TNN: variants seen among roughly 807,000 people sequenced by gnomAD.
TNN encodes the protein tenascin-N.
In TNN, 122 loss-of-function variants were observed where a neutral mutation model predicts 134.4. The observed-to-expected ratio is 0.91, with a 90% CI of 0.78 to 1.06. The LOEUF is 1.06. Ranked by LOEUF, TNN falls within the 50% of genes least tolerant of loss-of-function variation. The pLI is 0.00. For missense variants in TNN, 1,739 were observed against 1,699.4 expected, an observed-to-expected ratio of 1.02 and a Z score of -0.41; for synonymous variants, 710 against 670.3, an observed-to-expected ratio of 1.06 and a Z score of -0.91.
At position 175,098,519 on chromosome 1, in the gene TNN, T is replaced by C. The variant is rs1282496374; in HGVS notation, c.2043T>C (p.Gly681=). ...CAGTCCTGACAGGCCTGAGACCGGG[T>C]ATGGAGTACATGGTGCACGTGTGGG... ...SSTVLTGLRP[G]MEYMVHVWAQ... The change falls in exon 9 of 19, where the codon GGT becomes GGC. Residue 681 remains glycine (G), a synonymous_variant. Coordinates refer to ENST00000239462, the MANE Select transcript of TNN (RefSeq NM_022093.2). The C allele has an allele frequency of 3.7e-6, 6 of 1,613,752 alleles. No individual in the cohort carries two copies. The highest frequency in any genetic ancestry group is 4.5e-5 in the East Asian group (2 of 44,868).
chr1:175,082,389 C>T (rs1674217216), intron 4 of TNN, among the ~76,000 whole-genome samples: 1 of 152,196 alleles, frequency 6.6e-6, no homozygotes, highest in African/African-American at 2.4e-5. Flanking sequence ...TCATCCCCAC[C>T]ATAATCGTGA....
intron 12 of TNN, among the ~76,000 whole-genome samples, chr1:175,125,517 T>G (rs187052362): frequency 3.2e-4 from 48 of 151,618 alleles, no homozygotes; most frequent in African/African-American, 1.1e-3. Flanking sequence ...TTTTCCTATA[T>G]CCCTTCTCTT....
rs59186260 is a variant in TNN at position 175,085,874 on chromosome 1, C to CAAAA, written c.1324+397_1324+400dup. ...GGGCAACAAGAGTGAAACTCCATCTCAAAAAAAAAAAAAAAAAAAAGAGAA... is the reference window on the plus strand; with the variant it reads ...GGGCAACAAGAGTGAAACTCCATCTCAAAAAAAAAAAAAAAAAAAAAAAAGAGAA... On this transcript the variant is annotated intron_variant, in intron 6 of 18. Coordinates refer to ENST00000239462, the MANE Select transcript of TNN (RefSeq NM_022093.2). 6.9e-3 allele frequency among the ~76,000 whole-genome samples: 556 copies of CAAAA among 80,710 alleles called. 10 individuals carry two copies. Among genetic ancestry groups the CAAAA allele is most frequent in the African/African-American group, 0.017 (350 of 20,924 alleles). The allele number at this position is 80,710 out of a possible 152,430, so 52.9% of individuals were successfully genotyped here.
At chr1:175,124,184 G>T (rs1013077728) in intron 12 of TNN, among the ~76,000 whole-genome samples, 1 of 152,232 alleles carries the variant, frequency 6.6e-6, no homozygotes, top group East Asian at 1.9e-4. Flanking sequence ...AGGTCTATGA[G>T]CCTCTTCTGG....
chr1:175,076,507 C>T (rs1402702557), intron 1 of TNN, among the ~76,000 whole-genome samples: 2 of 152,234 alleles, frequency 1.3e-5, no homozygotes, highest in East Asian at 3.8e-4. Context: ...AGGTCCATTT[C>T]TCTGAATGCT....
intron 9 of TNN, among the ~76,000 whole-genome samples, chr1:175,115,605 G>T (rs898578717): frequency 1.3e-5 from 2 of 152,120 alleles, no homozygotes; most frequent in Admixed American, 1.3e-4. Context: ...TACCCTTAGG[G>T]ATGAAGGGGT....
At chr1:175,124,171 CTGAGGTCTA>C (rs2101840720) in intron 12 of TNN, among the ~76,000 whole-genome samples, 2 of 152,342 alleles carry the variant, frequency 1.3e-5, no homozygotes, top group African/African-American at 4.8e-5. Context: ...TGTGCCCACC[CTGAGGTCTA>C]TGAGCCTCTT....
chr1:175,085,530 C>G (rs374728469), intron 6 of TNN, 36 bp downstream of exon 6: 23 of 1,370,328 alleles, frequency 1.7e-5, no homozygotes, highest in Non-Finnish European at 2.3e-5. Flanking sequence ...GGCATTTAAT[C>G]ATGTTTGCAT....
chr1:175,128,887 CT>C, intron 15 of TNN, 141 bp downstream of exon 15: 1 of 938,080 alleles, frequency 1.1e-6, no homozygotes. Flanking sequence ...TGGCTTGTAG[CT>C]GTTTTTAGAG....
At chr1:175,090,182 C>A (rs1171511183) in intron 6 of TNN, among the ~76,000 whole-genome samples, 1 of 152,186 alleles carries the variant, frequency 6.6e-6, no homozygotes, top group Non-Finnish European at 1.5e-5. Flanking sequence ...TCAGGGTGAG[C>A]TAGTGAACAG....
intron 1 of TNN, among the ~76,000 whole-genome samples, chr1:175,076,661 A>G (rs1674046721): frequency 1.3e-5 from 2 of 152,182 alleles, no homozygotes; most frequent in South Asian, 2.1e-4. Context: ...CCCTGCAGTC[A>G]GTGGACTTGG....
In TNN at chr1:175,112,598, C is replaced by CTTTTTTTTTTTTTTTTTTTTTTTT. The variant is rs767531767; in HGVS notation, c.2120-4327_2120-4304dup. Among the ~76,000 whole-genome samples the CTTTTTTTTTTTTTTTTTTTTTTTT allele has an allele frequency of 1.0e-3, 22 of 21,990 alleles. 10 individuals carry two copies. Among genetic ancestry groups the CTTTTTTTTTTTTTTTTTTTTTTTT allele is most frequent in the Non-Finnish European group, 1.4e-3 (17 of 12,004 alleles). The allele number at this position is 21,990 out of a possible 152,430, so 14.4% of individuals were successfully genotyped here. On this transcript the variant is annotated intron_variant, in intron 9 of 18. Transcript: ENST00000239462. ...TTAAAGATCCATTCAGCCGGCCGAT[C>CTTTTTTTTTTTTTTTTTTTTTTTT]TTTTTTTTTTTTTTTTTTTTTTTTT...
intron 1 of TNN, among the ~76,000 whole-genome samples, chr1:175,071,727 T>C (rs1162063127): frequency 6.6e-6 from 1 of 152,222 alleles, no homozygotes; most frequent in Non-Finnish European, 1.5e-5. Context: ...GTGTGTCCTT[T>C]GGCAAATTAC....
Position 175,105,945 on chromosome 1 carries a change from G to A in TNN, c.2119+7350G>A, listed in dbSNP as rs758119378. 3.8e-4 allele frequency among the ~76,000 whole-genome samples: 56 copies of A among 145,942 alleles called. 10 individuals are homozygous for A. Among genetic ancestry groups the A allele is most frequent in the Non-Finnish European group, 7.0e-4 (46 of 65,676 alleles). Reference sequence around the variant, plus strand: ...CAACCCCTGCCCAAGAACCTGCAACGGTCCCTGGACCCTGCTGACTTGAAT... The same window carrying A: ...CAACCCCTGCCCAAGAACCTGCAACAGTCCCTGGACCCTGCTGACTTGAAT... On this transcript the variant is annotated intron_variant, in intron 9 of 18. Transcript: ENST00000239462.
chr1:175,102,000 T>C (rs901565433), intron 9 of TNN, among the ~76,000 whole-genome samples: 2 of 144,682 alleles, frequency 1.4e-5, no homozygotes, highest in African/African-American at 2.5e-5. Context: ...AGAGTGTCGA[T>C]TGGTGCACTC....
At chr1:175,107,031 T>G (rs1397459308) in intron 9 of TNN, among the ~76,000 whole-genome samples, 1 of 145,978 alleles carries the variant, frequency 6.9e-6, no homozygotes, top group Non-Finnish European at 1.5e-5. Flanking sequence ...TGCTTGGCGA[T>G]TGGGAAAGGT....
chr1:175,082,915 C>T (rs1275960133), intron 4 of TNN, among the ~76,000 whole-genome samples: 2 of 151,920 alleles, frequency 1.3e-5, no homozygotes. Context: ...CCTCCCATCC[C>T]TAGAAAAGTT....
Position 175,098,719 on chromosome 1 carries a change from TAC to T in TNN, c.2119+126_2119+127del, listed in dbSNP as rs148225892. The T allele has an allele frequency of 4.5e-3, 6,229 of 1,369,522 alleles. 201 individuals carry two copies. In the African/African-American group the frequency reaches 0.076, roughly 17 times the overall value. 84.8% of individuals were successfully genotyped at this position (1,369,522 alleles called of 1,614,324 possible). ...AGAGCAGGTTGGTATCCTCCCATAATACATTGTGTCCCCCTCACTTCCTTTTA... is the reference window on the plus strand; with the variant it reads ...AGAGCAGGTTGGTATCCTCCCATAATATTGTGTCCCCCTCACTTCCTTTTA... On this transcript the variant is annotated intron_variant, in intron 9 of 18. Coordinates refer to ENST00000239462, the MANE Select transcript of TNN (RefSeq NM_022093.2).
chr1:175,100,495 G>A (rs966835148), intron 9 of TNN, among the ~76,000 whole-genome samples: 1 of 152,206 alleles, frequency 6.6e-6, no homozygotes, highest in African/African-American at 2.4e-5. Flanking sequence ...CTTCTCCAAT[G>A]TCTTTTATAG....
Sources: gnomAD v4.1 joint callset for allele counts (sites outside exome capture counted in the v4.1 genomes callset) on GRCh38, gnomAD v4.1.1 for gene constraint, MANE v1.5 for transcripts, NCBI Gene and HGNC (gene_info 2026-07-23, HGNC 2026-07-21) for gene names.